The following GREB1 variants were observed in gnomAD, a reference collection of about 807,000 sequenced individuals.
GREB1 encodes protein GREB1.
Under a neutral mutation model 200.7 loss-of-function variants are expected in GREB1, and 106 were observed. The observed-to-expected ratio is 0.53, with a 90% CI of 0.45 to 0.62. GREB1 has a LOEUF of 0.62. GREB1 is among the 20% of genes least tolerant of loss of function. GREB1 has a pLI of 0.00. For missense variants in GREB1, 2,243 were observed against 2,556.8 expected (o/e 0.88, Z 2.65); for synonymous variants, 1,132 against 1,092.4 (o/e 1.04, Z -0.72).
chr2:11,550,666 G>A (rs554175903), intron 1 of GREB1, among the ~76,000 whole-genome samples: 2 of 152,142 alleles, frequency 1.3e-5, no homozygotes, highest in African/African-American at 4.8e-5. Context: ...GCCTCACCCA[G>A]TTCAGGACTG....
chr2:11,571,727 T>C (rs553911983), intron 4 of GREB1, among the ~76,000 whole-genome samples: 1 of 152,278 alleles, frequency 6.6e-6, no homozygotes, highest in East Asian at 1.9e-4. Context: ...TTTTTTCTTT[T>C]TGAGACGGAG....
At chr2:11,636,824 GCAGGGACAGAGGCAGGGA>G (rs1685378550) in intron 30 of GREB1, among the ~76,000 whole-genome samples, 1 of 150,062 alleles carries the variant, frequency 6.7e-6, no homozygotes. Context: ...AGAGGCAGGG[GCAGGGACAGAGGCAGGGA>G]CATGGGCAGA....
chr2:11,638,990 G>T lies in GREB1; in HGVS notation c.5686+181G>T, dbSNP rs1029146169. ...AGAGAGCTGGGATTTGATCCCCGGG[G>T]GCTCTCTTTCCCCTATACCTGTTTG... is the stretch of plus-strand genomic sequence containing the variant. On this transcript the variant is annotated intron_variant, in intron 32 of 32. Coordinates refer to ENST00000381486, the MANE Select transcript of GREB1 (RefSeq NM_014668.4). Among the ~76,000 whole-genome samples the T allele has an allele frequency of 2.6e-5, 4 of 152,092 alleles. No individual in the cohort carries two copies. The South Asian group carries it at 6.2e-4, about 24-fold the overall frequency.
At chr2:11,637,016 A>G (rs867819255) in intron 30 of GREB1, among the ~76,000 whole-genome samples, 2 of 63,956 alleles carry the variant, frequency 3.1e-5, no homozygotes, top group African/African-American at 4.9e-5. Flanking sequence ...AGGGGCAGGG[A>G]CAGAGGCAGG....
At chr2:11,591,577 C>T (rs754241431) in intron 10 of GREB1, 10 of 644,590 alleles carry the variant, frequency 1.6e-5, no homozygotes, top group African/African-American at 5.5e-5. Flanking sequence ...TGCTTAGGTG[C>T]GGTAAAACCA....
chr2:11,542,324 AC>A (rs1266103224), intron 1 of GREB1, among the ~76,000 whole-genome samples: 3 of 151,142 alleles, frequency 2.0e-5, no homozygotes, highest in Non-Finnish European at 4.4e-5. Context: ...GAGCCCTGAG[AC>A]CCCGAAGGCC....
At chr2:11,509,051 A>G (rs1458837403) in intron 1 of GREB1, among the ~76,000 whole-genome samples, 1 of 150,966 alleles carries the variant, frequency 6.6e-6, no homozygotes, top group Non-Finnish European at 1.5e-5. Flanking sequence ...ATTTTTTTGT[A>G]TTTTTAGTAG....
At chr2:11,620,509 T>C (rs1428142106) in intron 22 of GREB1, among the ~76,000 whole-genome samples, 1 of 152,188 alleles carries the variant, frequency 6.6e-6, no homozygotes, top group Non-Finnish European at 1.5e-5. Flanking sequence ...TTTTATGTCT[T>C]ATACAATGAA....
At chr2:11,510,218 A>T (rs1673311103) in intron 1 of GREB1, among the ~76,000 whole-genome samples, 1 of 152,238 alleles carries the variant, frequency 6.6e-6, no homozygotes. Flanking sequence ...GGACTGGATC[A>T]GATTCAGATT....
intron 3 of GREB1, among the ~76,000 whole-genome samples, chr2:11,565,675 C>A (rs1558553588): frequency 6.6e-6 from 1 of 152,154 alleles, no homozygotes; most frequent in Non-Finnish European, 1.5e-5. Flanking sequence ...CTCCAACACG[C>A]AAAAGGTTCT....
chr2:11,633,118 G>GT lies in GREB1; in HGVS notation c.4991+56dup. ...CCACCCTACGAATGATGACCAACGA[G>GT]TGTGCCCTCTTTGTATGGGGAATGT... On this transcript the variant is annotated intron_variant, in intron 28 of 32. Coordinates refer to ENST00000381486, the MANE Select transcript of GREB1 (RefSeq NM_014668.4). The surrounding 1 kb of genome is among the most constrained non-coding windows in gnomAD (Gnocchi z 4.1). 2 of 1,560,420 alleles carry GT rather than the reference G, an allele frequency of 1.3e-6. No homozygotes were observed. Among genetic ancestry groups the GT allele is most frequent in the Non-Finnish European group, 1.8e-6 (2 of 1,134,134 alleles).
chr2:11,518,449 A>G (rs1447992991), intron 1 of GREB1, among the ~76,000 whole-genome samples: 3 of 151,964 alleles, frequency 2.0e-5, no homozygotes, highest in Non-Finnish European at 4.4e-5. Context: ...TGAGTTCCAG[A>G]AACCTAGAGT....
intron 1 of GREB1, among the ~76,000 whole-genome samples, chr2:11,543,901 G>A (rs887743925): frequency 4.6e-5 from 7 of 152,230 alleles, no homozygotes; most frequent in Middle Eastern, 6.8e-3. Context: ...TGAATGGACC[G>A]GGGAGTGGGG....
At chr2:11,601,126 C>A in intron 16 of GREB1, 131 bp downstream of exon 16, 1 of 707,990 alleles carries the variant, frequency 1.4e-6, no homozygotes, top group Non-Finnish European at 2.3e-6. Flanking sequence ...TTTGGTTCAA[C>A]CCAGAGTTAG....
upstream of GREB1, among the ~76,000 whole-genome samples, chr2:11,532,055 G>T (rs1398073871): frequency 6.6e-6 from 1 of 152,100 alleles, no homozygotes; most frequent in Non-Finnish European, 1.5e-5. Flanking sequence ...ATTTGAATAT[G>T]CCATATTAAA....
At chr2:11,617,562 A>G (rs1382343375) in intron 21 of GREB1, among the ~76,000 whole-genome samples, 1 of 152,250 alleles carries the variant, frequency 6.6e-6, no homozygotes, top group Non-Finnish European at 1.5e-5. Context: ...ATTTCAGGGT[A>G]GGTGAGGTTA....
At chr2:11,566,311 C>T (rs1677644787) in intron 3 of GREB1, among the ~76,000 whole-genome samples, 169 bp from the exon 4 acceptor site, 1 of 152,150 alleles carries the variant, frequency 6.6e-6, no homozygotes, top group Non-Finnish European at 1.5e-5. Context: ...GCTACCATGC[C>T]CAGCCAACTA....
intron 1 of GREB1, among the ~76,000 whole-genome samples, chr2:11,496,800 C>G (rs1039264026): frequency 1.3e-5 from 2 of 152,192 alleles, no homozygotes; most frequent in African/African-American, 4.8e-5. Context: ...AACATTGATA[C>G]AGTCAAGATA....
intron 17 of GREB1, among the ~76,000 whole-genome samples, chr2:11,604,211 G>A (rs754412512): frequency 2.6e-5 from 4 of 152,118 alleles, no homozygotes; most frequent in Non-Finnish European, 5.9e-5. Flanking sequence ...GCTAATGTAC[G>A]TGTGCACATT....
Sources: gnomAD v4.1 joint callset for allele counts (sites outside exome capture counted in the v4.1 genomes callset) on GRCh38, gnomAD v4.1.1 for gene constraint, Gnocchi (gnomAD v3.1) non-coding constraint, MANE v1.5 for transcripts, NCBI Gene and HGNC (gene_info 2026-07-23, HGNC 2026-07-21) for gene names.